Variants in USP7 observed in about 807,000 individuals in gnomAD.
The protein encoded by USP7 is ubiquitin C-terminal hydrolase 7.
In USP7, 9 loss-of-function variants were observed where a neutral mutation model predicts 162.9. The ratio of observed to expected loss-of-function variants is 0.06; its 90% confidence interval spans 0.03 to 0.10. The LOEUF is 0.10. Ranked by LOEUF, USP7 falls within the 10% of genes least tolerant of loss-of-function variation. USP7 has a pLI of 1.00. For missense variants in USP7, 715 were observed against 1,373.7 expected, an observed-to-expected ratio of 0.52 and a Z score of 7.58; for synonymous variants, 562 against 475.9, an observed-to-expected ratio of 1.18 and a Z score of -2.35.
chr16:8,900,444 T>G (rs2061756963), intron 21 of USP7, 86 bp downstream of exon 21: 1 of 945,680 alleles, frequency 1.1e-6, no homozygotes, highest in Non-Finnish European at 1.5e-6. Context: ...TGGCTCGGGA[T>G]CTAGGTACAA....
chr16:8,899,018 G>C (rs2141167807), intron 23 of USP7, 103 bp downstream of exon 23: 2 of 1,240,570 alleles, frequency 1.6e-6, no homozygotes, highest in Non-Finnish European at 2.3e-6. Context: ...TGGACTGTCA[G>C]GTGAAATGGC....
chr16:8,908,843 T>C (rs1297819879), intron 11 of USP7, among the ~76,000 whole-genome samples: 2 of 152,228 alleles, frequency 1.3e-5, no homozygotes, highest in African/African-American at 4.8e-5. Flanking sequence ...AAAACTCTGG[T>C]TACAATTACC....
rs558971614 is a variant in USP7 at position 8,902,240 on chromosome 16, G to C, written c.1942-53C>G. 11 of 1,595,496 alleles carry C rather than the reference G, an allele frequency of 6.9e-6. No individual in the cohort carries two copies. The East Asian group carries it at 2.2e-4, about 32-fold the overall frequency. ...GAAGAGTCTAATGGCTTAGGTGACAGAGCGAAAAACTACAGTCAAGTATTG... is the reference window on the plus strand; with the variant it reads ...GAAGAGTCTAATGGCTTAGGTGACACAGCGAAAAACTACAGTCAAGTATTG... On this transcript the variant is annotated intron_variant, in intron 17 of 30. Transcript: ENST00000344836.
rs147649202 is a variant in USP7 at position 8,894,717 on chromosome 16, G to C, written c.3111+67C>G. 23 of 1,613,000 alleles carry C rather than the reference G, an allele frequency of 1.4e-5. No homozygotes were observed. The African/African-American group carries it at 2.4e-4, about 17-fold the overall frequency. Reference sequence around the variant, plus strand: ...CTCACATCTCTGGCAAAAAAGCCTAGGCCGCTACGCTAGGCAAGGCTTGAG... The same window carrying C: ...CTCACATCTCTGGCAAAAAAGCCTACGCCGCTACGCTAGGCAAGGCTTGAG... On this transcript the variant is annotated intron_variant, in intron 29 of 30. Transcript: ENST00000344836.
intron 14 of USP7, 77 bp downstream of exon 14, chr16:8,905,110 A>G: frequency 6.5e-7 from 1 of 1,534,266 alleles, no homozygotes; most frequent in Non-Finnish European, 9.0e-7. Context: ...TTGGACAGAA[A>G]AGGATATTGG....
At chr16:8,942,045 C>G (rs985599383) in intron 1 of USP7, among the ~76,000 whole-genome samples, 1 of 152,250 alleles carries the variant, frequency 6.6e-6, no homozygotes, top group Admixed American at 6.5e-5. Context: ...TGCAAGAAGC[C>G]TGCCGGCCAG....
chr16:8,918,390 AAAGT>A (rs752533717), intron 6 of USP7, among the ~76,000 whole-genome samples: 101 of 152,336 alleles, frequency 6.6e-4, no homozygotes, highest in Middle Eastern at 3.4e-3. Context: ...ATTTTCAATA[AAAGT>A]AAGTTGCATT....
At chr16:8,925,953 G>C (rs1272527088) in intron 2 of USP7, among the ~76,000 whole-genome samples, 1 of 151,798 alleles carries the variant, frequency 6.6e-6, no homozygotes, top group Non-Finnish European at 1.5e-5. Flanking sequence ...AGGAGATCGA[G>C]ACCATCCTGG....
At chr16:8,956,234 T>G (rs2141266417) in intron 1 of USP7, 1 of 152,362 alleles carries the variant, frequency 6.6e-6, no homozygotes, top group African/African-American at 2.4e-5. Context: ...TGACCTGTCC[T>G]GGTTTCACAA....
intron 1 of USP7, among the ~76,000 whole-genome samples, chr16:8,961,590 A>C (rs1355686459): frequency 6.6e-6 from 1 of 151,078 alleles, no homozygotes; most frequent in African/African-American, 2.4e-5. Flanking sequence ...CTCTGCAGTA[A>C]TGTCTGTTTA....
chr16:8,944,745 C>G (rs547488691), intron 1 of USP7, among the ~76,000 whole-genome samples: 1 of 152,360 alleles, frequency 6.6e-6, no homozygotes, highest in Non-Finnish European at 1.5e-5. Flanking sequence ...TACTCAGACT[C>G]TCATGGAACA....
At chr16:8,938,869 G>A (rs114529350) in intron 1 of USP7, among the ~76,000 whole-genome samples, 306 of 152,204 alleles carry the variant, frequency 2.0e-3, no homozygotes, top group African/African-American at 7.0e-3. Context: ...AAACTATATA[G>A]GAAGATGTGT....
chr16:8,913,612 C>T (rs2061984106), intron 10 of USP7, among the ~76,000 whole-genome samples: 1 of 151,992 alleles, frequency 6.6e-6, no homozygotes, highest in East Asian at 1.9e-4. Flanking sequence ...TCTAGGCATG[C>T]AAGGTGAAAA....
chr16:8,918,925 G>C, intron 6 of USP7, 106 bp downstream of exon 6: 1 of 1,099,422 alleles, frequency 9.1e-7, no homozygotes, highest in African/African-American at 1.5e-5. Context: ...TGAGGAGACA[G>C]GGCCAGGGGA....
intron 12 of USP7, among the ~76,000 whole-genome samples, chr16:8,907,292 G>T (rs2141184026): frequency 6.6e-6 from 1 of 152,310 alleles, no homozygotes; most frequent in East Asian, 1.9e-4. Context: ...CATACCAACA[G>T]GTTGGAATTG....
intron 14 of USP7, 53 bp downstream of exon 14, chr16:8,905,134 A>C: frequency 6.3e-7 from 1 of 1,586,806 alleles, no homozygotes; most frequent in East Asian, 2.3e-5. Flanking sequence ...TTCATGGTAC[A>C]AATGTCCAAG....
intron 25 of USP7, 191 bp from the exon 26 acceptor site, chr16:8,897,290 A>G: frequency 1.7e-6 from 1 of 572,084 alleles, no homozygotes; most frequent in East Asian, 2.9e-5. Flanking sequence ...GCCCTAATCT[A>G]GGACCAACCA....
At chr16:8,899,271 G>T in intron 22 of USP7, 83 bp from the exon 23 acceptor site, 1 of 1,317,986 alleles carries the variant, frequency 7.6e-7, no homozygotes, top group Non-Finnish European at 1.1e-6. Context: ...CTTAAAATGT[G>T]CCATGAGCAG....
At chr16:8,941,484 G>A (rs941171195) in intron 1 of USP7, among the ~76,000 whole-genome samples, 3 of 152,206 alleles carry the variant, frequency 2.0e-5, no homozygotes, top group African/African-American at 7.2e-5. Flanking sequence ...CATTTCAGCA[G>A]AGCCCACCCT....
Sources: gnomAD v4.1 joint callset for allele counts (sites outside exome capture counted in the v4.1 genomes callset) on GRCh38, gnomAD v4.1.1 for gene constraint, MANE v1.5 for transcripts, NCBI Gene and HGNC (gene_info 2026-07-23, HGNC 2026-07-21) for gene names.